The following LRCH1 variants were observed in gnomAD, a reference collection of about 807,000 sequenced individuals.
The protein encoded by LRCH1 is leucine rich repeats and calponin homology domain containing 1, also known as leucine-rich repeat and calponin homology domain-containing protein 1.
In LRCH1, 23 loss-of-function variants were observed where a neutral mutation model predicts 94.9. The ratio of observed to expected loss-of-function variants is 0.24; its 90% CI spans 0.17 to 0.34. The LOEUF (loss-of-function observed/expected upper bound fraction) is 0.34. Among genes scored for constraint, LRCH1 ranks in the 10% least tolerant of loss-of-function variants. The pLI, the probability that LRCH1 is intolerant of heterozygous loss-of-function variation, is 1.00. For synonymous variants in LRCH1, 364 were observed against 354.9 expected (o/e 1.03, Z -0.29); for missense variants, 790 against 945.9 (o/e 0.84, Z 2.16).
chr13:46,565,978 G>A (rs889333257), intron 1 of LRCH1, among the ~76,000 whole-genome samples: 1 of 151,798 alleles, frequency 6.6e-6, no homozygotes, highest in African/African-American at 2.4e-5. Flanking sequence ...GTGTATTCAG[G>A]TGAAGGGTGC....
intron 1 of LRCH1, among the ~76,000 whole-genome samples, chr13:46,604,924 T>G (rs957007988): frequency 4.6e-5 from 7 of 152,220 alleles, no homozygotes; most frequent in Non-Finnish European, 7.3e-5. Flanking sequence ...CTCAGCCATA[T>G]TTTTGATATG....
At position 46,662,422 on chromosome 13, in the gene LRCH1, A is replaced by G. The variant is rs141261303; in HGVS notation, c.453-6608A>G. Among the ~76,000 whole-genome samples, 894 of 152,332 alleles carry G rather than the reference A, an allele frequency of 5.9e-3. 21 individuals are homozygous for G. Among genetic ancestry groups the G allele is most frequent in the Admixed American group, 0.052 (788 of 15,296 alleles). ...TGTTGCCTCTAAAAGTGTTTGCAAA[A>G]TTAATATTTTGGCTGGTATTACATA... On this transcript the variant is annotated intron_variant, in intron 2 of 19. Transcript: ENST00000389797.
intron 1 of LRCH1, among the ~76,000 whole-genome samples, chr13:46,618,905 T>C (rs1457578804): frequency 6.6e-6 from 1 of 152,228 alleles, no homozygotes. Flanking sequence ...CATGTGGGTT[T>C]GTTTTGGGAA....
At chr13:46,577,828 G>A (rs3742269) in intron 1 of LRCH1, among the ~76,000 whole-genome samples, 13,705 of 152,268 alleles carry the variant, frequency 0.09, 707 homozygotes, top group East Asian at 0.18. Context: ...ATTTCCGGTG[G>A]TGGTTTCAAG....
At chr13:46,627,668 G>T (rs1346539661) in intron 1 of LRCH1, among the ~76,000 whole-genome samples, 2 of 152,146 alleles carry the variant, frequency 1.3e-5, no homozygotes, top group African/African-American at 4.8e-5. Context: ...CAAGGATGCT[G>T]GGTTCAGGGT....
At chr13:46,698,113 A>C (rs1272688592) in intron 9 of LRCH1, among the ~76,000 whole-genome samples, 1 of 152,190 alleles carries the variant, frequency 6.6e-6, no homozygotes, top group African/African-American at 2.4e-5. Context: ...TCACTACAGA[A>C]AAAGTCCAAG....
chr13:46,597,280 T>A (rs2050574602), intron 1 of LRCH1, among the ~76,000 whole-genome samples: 1 of 152,182 alleles, frequency 6.6e-6, no homozygotes, highest in Admixed American at 6.5e-5. Flanking sequence ...CCATGTCTTC[T>A]GCATTTTTGG....
chr13:46,602,978 G>GCATGCATGCATA (rs142972823), intron 1 of LRCH1, among the ~76,000 whole-genome samples: 64 of 149,934 alleles, frequency 4.3e-4, no homozygotes, highest in Middle Eastern at 3.4e-3. Context: ...ATACATGCAT[G>GCATGCATGCATA]CATACATACA....
chr13:46,587,513 C>T (rs982441706), intron 1 of LRCH1, among the ~76,000 whole-genome samples: 1 of 152,162 alleles, frequency 6.6e-6, no homozygotes, highest in East Asian at 1.9e-4. Flanking sequence ...AGCAAGAGTA[C>T]TGGAACATAA....
intron 1 of LRCH1, among the ~76,000 whole-genome samples, chr13:46,576,732 A>G (rs2050308854): frequency 6.6e-6 from 1 of 152,272 alleles, no homozygotes; most frequent in Non-Finnish European, 1.5e-5. Flanking sequence ...CTCTGTCTAC[A>G]GTCTCCAGCA....
intron 3 of LRCH1, among the ~76,000 whole-genome samples, chr13:46,670,857 A>G (rs2138121141): frequency 6.6e-6 from 1 of 152,190 alleles, no homozygotes; most frequent in East Asian, 1.9e-4. Context: ...GAGAAGGGAC[A>G]GCTTGTGCAA....
At chr13:46,699,572 T>G (rs892858948) in intron 10 of LRCH1, among the ~76,000 whole-genome samples, 169 bp downstream of exon 10, 4 of 152,218 alleles carry the variant, frequency 2.6e-5, no homozygotes, top group Non-Finnish European at 5.9e-5. Context: ...TGATGCTTTT[T>G]GTCGTGGTAT....
chr13:46,609,204 G>A (rs1044577325), intron 1 of LRCH1, among the ~76,000 whole-genome samples: 1 of 152,198 alleles, frequency 6.6e-6, no homozygotes, highest in African/African-American at 2.4e-5. Flanking sequence ...TTTGTCACCT[G>A]TTCCATATTT....
intron 2 of LRCH1, among the ~76,000 whole-genome samples, chr13:46,660,194 T>G (rs2051429478): frequency 6.6e-6 from 1 of 152,056 alleles, no homozygotes; most frequent in South Asian, 2.1e-4. Context: ...TGTATTTTTT[T>G]TAGTAGAGAC....
At chr13:46,562,014 G>C (rs1429438283) in intron 1 of LRCH1, among the ~76,000 whole-genome samples, 3 of 152,132 alleles carry the variant, frequency 2.0e-5, no homozygotes, top group African/African-American at 7.2e-5. Flanking sequence ...GGCTAGACGG[G>C]ACTTTTCCTG....
intron 1 of LRCH1, among the ~76,000 whole-genome samples, chr13:46,590,410 A>G (rs2050486219): frequency 6.6e-6 from 1 of 152,186 alleles, no homozygotes. Context: ...CCACCATTCT[A>G]TGAGCTGCTG....
exon 19 of LRCH1, chr13:46,750,872 G>A (rs1013873715): frequency 7.6e-6 from 3 of 393,848 alleles, no homozygotes; most frequent in African/African-American, 4.1e-5. Flanking sequence ...CAGAGAGGGA[G>A]CTGGAGGAAA....
At chr13:46,704,178 T>A (rs1871631537) in intron 11 of LRCH1, among the ~76,000 whole-genome samples, 2 of 152,086 alleles carry the variant, frequency 1.3e-5, no homozygotes, top group African/African-American at 4.8e-5. Flanking sequence ...AAAGCCCTGG[T>A]TTTGTTTTGG....
At chr13:46,639,413 C>G (rs2051132090) in intron 1 of LRCH1, among the ~76,000 whole-genome samples, 1 of 152,190 alleles carries the variant, frequency 6.6e-6, no homozygotes. Flanking sequence ...TAATTAGTAA[C>G]TAGTTTTCTT....
Sources: gnomAD v4.1 joint callset for allele counts (sites outside exome capture counted in the v4.1 genomes callset) on GRCh38, gnomAD v4.1.1 for gene constraint, MANE v1.5 for transcripts, NCBI Gene and HGNC (gene_info 2026-07-23, HGNC 2026-07-21) for gene names.